Variants in NUAK1 observed in about 807,000 individuals in gnomAD.
NUAK1 encodes NUAK family SNF1-like kinase 1.
Under a neutral mutation model 56.9 loss-of-function variants are expected in NUAK1, and 26 were observed. That is an observed-to-expected ratio of 0.46 (90% CI 0.33 to 0.63). NUAK1 has a LOEUF of 0.63. NUAK1 is among the 30% of genes least tolerant of loss of function. The pLI is 0.02. For missense variants in NUAK1, 727 were observed against 876.1 expected, an observed-to-expected ratio of 0.83 and a Z score of 2.15; for synonymous variants, 337 against 336.0, an observed-to-expected ratio of 1.00 and a Z score of -0.03.
intron 2 of NUAK1, 132 bp downstream of exon 2, chr12:106,106,273 G>A (rs1178538968): frequency 1.5e-5 from 11 of 750,800 alleles, no homozygotes; most frequent in Non-Finnish European, 1.9e-5. Context: ...GATAACACCC[G>A]ACTATTTTTG....
Position 106,138,292 on chromosome 12 carries a change from C to T in NUAK1, c.240+122G>A. The T allele has an allele frequency of 7.5e-7, 1 of 1,335,840 alleles. No individual in the cohort carries two copies. Among genetic ancestry groups the T allele is most frequent in the Non-Finnish European group, 9.9e-7 (1 of 1,007,508 alleles). 82.7% of individuals were successfully genotyped at this position (1,335,840 alleles called of 1,614,324 possible). On this transcript the variant is annotated intron_variant, in intron 1 of 6. Coordinates refer to ENST00000261402, the MANE Select transcript of NUAK1 (RefSeq NM_014840.3). This position sits in a 1 kb window ranked among gnomAD's most constrained non-coding sequence, Gnocchi z 5.0. ...GAGTGAGGAGTCTGTCTCGGGGCTT[C>T]CCAATGAGCCCCCTCTCTGTCAAGA...
At position 106,128,602 on chromosome 12, in the gene NUAK1, C is replaced by T. The variant is rs1332846275; in HGVS notation, c.240+9812G>A. 2.0e-5 allele frequency among the ~76,000 whole-genome samples: 3 copies of T among 152,354 alleles called. No homozygotes were observed. The South Asian group carries it at 6.2e-4, about 32-fold the overall frequency. ...CGTTTGAACCTGCTGCAATCAAGCACCTTTGTGGCCCGTGAGCCTGACACA... is the reference window on the plus strand; with the variant it reads ...CGTTTGAACCTGCTGCAATCAAGCATCTTTGTGGCCCGTGAGCCTGACACA... On this transcript the variant is annotated intron_variant, in intron 1 of 6. Transcript: ENST00000261402.
chr12:106,084,384 C>G (rs1204686524), intron 3 of NUAK1, among the ~76,000 whole-genome samples: 1 of 152,220 alleles, frequency 6.6e-6, no homozygotes, highest in Non-Finnish European at 1.5e-5. Flanking sequence ...TGCCTGCCTA[C>G]TCAACGCTGG....
rs2032576969 is a variant in NUAK1 at position 106,086,879 on chromosome 12, T to C, written c.368A>G (p.Glu123Gly). 6.2e-7 allele frequency: 1 copy of C among 1,613,128 alleles called. No individual in the cohort carries two copies. The highest frequency in any genetic ancestry group is 8.5e-7 in the Non-Finnish European group (1 of 1,179,282). ...PHIISIYEVF[E>G]NKDKIVIIME... ...GATGATCACAATCTTATCTTTGTTC[T>C]CAAACACTGCAGAGGGAAAACAGCA... Residue 123 changes from glutamate to glycine, a missense_variant, in exon 3 of 7, where the codon GAG becomes GGG. By Grantham distance (98) the Glu-to-Gly change is moderately conservative. Coordinates refer to ENST00000261402, the MANE Select transcript of NUAK1 (RefSeq NM_014840.3).
rs1458750708 is a variant in NUAK1, at chr12:106,067,572, T to C, written c.1216A>G (p.Asn406Asp). The change falls in exon 7 of 7, where the codon AAC becomes GAC. Residue 406 changes from asparagine (N) to aspartate (D), a missense_variant. Transcript: ENST00000261402. This position sits in a 1 kb window ranked among gnomAD's most constrained non-coding sequence, Gnocchi z 6.0. ...RPKGILKKRS[N>D]SEHRSHSTGF... Reference sequence around the variant, plus strand: ...GTGCTGTGAGAGCGATGCTCGCTGTTGCTTCGCTTCTTCAGGATCCCCTTG... The same window carrying C: ...GTGCTGTGAGAGCGATGCTCGCTGTCGCTTCGCTTCTTCAGGATCCCCTTG... The C allele has an allele frequency of 1.2e-6, 2 of 1,614,246 alleles. No individual in the cohort carries two copies. The highest frequency in any genetic ancestry group is 4.5e-5 in the East Asian group (2 of 44,882).
At chr12:106,127,845 G>A (rs1012274065) in intron 1 of NUAK1, among the ~76,000 whole-genome samples, 1 of 152,244 alleles carries the variant, frequency 6.6e-6, no homozygotes, top group Non-Finnish European at 1.5e-5. Context: ...GCTCGACACA[G>A]CAGCACCTAC....
intron 1 of NUAK1, among the ~76,000 whole-genome samples, chr12:106,135,589 C>G (rs886615907): frequency 1.3e-5 from 2 of 152,228 alleles, no homozygotes; most frequent in African/African-American, 2.4e-5. Context: ...CATACAACCC[C>G]ATACTCGGCA....
chr12:106,119,351 T>C (rs1001331727), intron 1 of NUAK1, among the ~76,000 whole-genome samples: 8 of 152,150 alleles, frequency 5.3e-5, no homozygotes, highest in Non-Finnish European at 1.0e-4. Flanking sequence ...AGGTGGCTCA[T>C]CCTGTTACCC....
intron 2 of NUAK1, among the ~76,000 whole-genome samples, chr12:106,094,256 C>A (rs2032670473): frequency 6.6e-6 from 1 of 152,184 alleles, no homozygotes; most frequent in African/African-American, 2.4e-5. Flanking sequence ...CCCTAGGCAG[C>A]AGCATTTTTG....
chr12:106,108,732 C>G (rs1251835866), intron 1 of NUAK1, among the ~76,000 whole-genome samples: 1 of 152,132 alleles, frequency 6.6e-6, no homozygotes, highest in Non-Finnish European at 1.5e-5. Context: ...CTCAAGGAGG[C>G]TCTATTGTCA....
intron 5 of NUAK1, among the ~76,000 whole-genome samples, chr12:106,071,421 G>A (rs1055647999): frequency 9.9e-5 from 15 of 152,128 alleles, no homozygotes; most frequent in African/African-American, 3.6e-4. Context: ...AGAAAGAATT[G>A]GGGTTATGAC....
intron 1 of NUAK1, among the ~76,000 whole-genome samples, chr12:106,137,028 C>T (rs550422329): frequency 7.2e-5 from 11 of 151,856 alleles, no homozygotes; most frequent in East Asian, 3.9e-4. Context: ...AAGAAATGTA[C>T]GCCATCTCAA....
intron 1 of NUAK1, among the ~76,000 whole-genome samples, chr12:106,137,370 C>G (rs2033139681): frequency 6.6e-6 from 1 of 152,196 alleles, no homozygotes; most frequent in African/African-American, 2.4e-5. Flanking sequence ...GTCCCATAAT[C>G]AGTTTCTGAC....
intron 1 of NUAK1, among the ~76,000 whole-genome samples, chr12:106,130,119 T>C (rs1266408913): frequency 6.6e-6 from 1 of 152,072 alleles, no homozygotes; most frequent in East Asian, 1.9e-4. Context: ...GTAGCTGGGA[T>C]TACAGGCATG....
At chr12:106,112,331 C>T (rs1565925838) in intron 1 of NUAK1, among the ~76,000 whole-genome samples, 2 of 152,094 alleles carry the variant, frequency 1.3e-5, no homozygotes, top group East Asian at 1.9e-4. Flanking sequence ...GCCCAGAGGC[C>T]GCCTGCAGCA....
At chr12:106,077,248 G>C (rs1449236405) in intron 4 of NUAK1, among the ~76,000 whole-genome samples, 1 of 152,202 alleles carries the variant, frequency 6.6e-6, no homozygotes, top group Non-Finnish European at 1.5e-5. Context: ...GTCGTTACTA[G>C]GTGATGGGTG....
chr12:106,138,304 CCT>C lies in NUAK1; in HGVS notation c.240+108_240+109del. ...TGTCTCGGGGCTTCCCAATGAGCCCCCTCTCTGTCAAGAGAGCCCCAGGGCGC... is the reference window on the plus strand; with the variant it reads ...TGTCTCGGGGCTTCCCAATGAGCCCCCTCTGTCAAGAGAGCCCCAGGGCGC... On this transcript the variant is annotated intron_variant, in intron 1 of 6. Transcript: ENST00000261402. This position sits in a 1 kb window ranked among gnomAD's most constrained non-coding sequence, Gnocchi z 5.0. 7.1e-7 allele frequency: 1 copy of C among 1,399,636 alleles called. No homozygotes were observed. Among genetic ancestry groups the C allele is most frequent in the Middle Eastern group, 2.2e-4 (1 of 4,540 alleles). The allele number at this position is 1,399,636 out of a possible 1,614,324, so 86.7% of individuals were successfully genotyped here.
chr12:106,068,288 T>A (rs1369101649), intron 6 of NUAK1, among the ~76,000 whole-genome samples: 3 of 152,248 alleles, frequency 2.0e-5, no homozygotes, highest in Admixed American at 2.0e-4. Context: ...GAATCCAGAC[T>A]TGACCCTGAG....
chr12:106,114,688 C>G (rs1311216900), intron 1 of NUAK1, among the ~76,000 whole-genome samples: 1 of 152,150 alleles, frequency 6.6e-6, no homozygotes, highest in African/African-American at 2.4e-5. Flanking sequence ...AGTCCTGATT[C>G]CCACTCCAGG....
Sources: gnomAD v4.1 joint callset for allele counts (sites outside exome capture counted in the v4.1 genomes callset) on GRCh38, gnomAD v4.1.1 for gene constraint, Gnocchi (gnomAD v3.1) non-coding constraint, MANE v1.5 for transcripts, NCBI Gene and HGNC (gene_info 2026-07-23, HGNC 2026-07-21) for gene names.